Variants in CTNND2 observed in about 807,000 individuals in gnomAD.
CTNND2 encodes catenin delta 2.
Under a neutral mutation model 144.4 loss-of-function variants are expected in CTNND2, and 22 were observed. The observed-to-expected ratio is 0.15, with a 90% CI of 0.11 to 0.22. The LOEUF is 0.22. Among genes scored for constraint, CTNND2 ranks in the 10% least tolerant of loss-of-function variants. The probability of loss-of-function intolerance (pLI) is 1.00; values close to 1 mark genes in which losing one functional copy is unlikely to be tolerated. For missense variants in CTNND2, 1,353 were observed against 1,618.8 expected, an observed-to-expected ratio of 0.84 and a Z score of 2.82; for synonymous variants, 751 against 695.6, an observed-to-expected ratio of 1.08 and a Z score of -1.25.
intron 2 of CTNND2, among the ~76,000 whole-genome samples, chr5:11,694,620 A>C (rs1268638028): frequency 6.6e-6 from 1 of 152,076 alleles, no homozygotes; most frequent in African/African-American, 2.4e-5. Context: ...CCTGTTTGTT[A>C]ATTTGGGGGT....
chr5:11,715,651 A>C (rs1265698658), intron 2 of CTNND2, among the ~76,000 whole-genome samples: 1 of 152,218 alleles, frequency 6.6e-6, no homozygotes, highest in East Asian at 1.9e-4. Flanking sequence ...GCTTCAATTC[A>C]TGCATAGCTT....
chr5:11,842,721 A>G (rs935092879), intron 1 of CTNND2, among the ~76,000 whole-genome samples: 4 of 122,370 alleles, frequency 3.3e-5, no homozygotes, highest in South Asian at 4.6e-4. Context: ...TCGGTCTCAG[A>G]ACAAAAAAAA....
intron 12 of CTNND2, 97 bp downstream of exon 12, chr5:11,159,479 T>C: frequency 3.9e-6 from 4 of 1,013,970 alleles, no homozygotes; most frequent in Non-Finnish European, 5.8e-6. Flanking sequence ...TTCAGAATGG[T>C]CTGATCCTCA....
chr5:11,448,380 C>T (rs1765014171), intron 3 of CTNND2, among the ~76,000 whole-genome samples: 1 of 149,312 alleles, frequency 6.7e-6, no homozygotes, highest in South Asian at 2.4e-4. Context: ...TTTCAGTAGC[C>T]AATAAATGTG....
chr5:11,369,001 T>C (rs573861370), intron 7 of CTNND2, among the ~76,000 whole-genome samples: 1 of 152,230 alleles, frequency 6.6e-6, no homozygotes, highest in Non-Finnish European at 1.5e-5. Flanking sequence ...ATCTTTTGAT[T>C]TGACAAAATA....
intron 2 of CTNND2, among the ~76,000 whole-genome samples, chr5:11,729,065 CT>C (rs1364887637): frequency 6.6e-6 from 1 of 152,034 alleles, no homozygotes; most frequent in Non-Finnish European, 1.5e-5. Context: ...TTGATTTATG[CT>C]TTCACCTAGG....
chr5:11,343,884 T>G (rs1754503958), intron 9 of CTNND2, among the ~76,000 whole-genome samples: 1 of 152,168 alleles, frequency 6.6e-6, no homozygotes, highest in Non-Finnish European at 1.5e-5. Flanking sequence ...CTCTTAAATA[T>G]ATGTAAATAT....
At chr5:11,535,455 T>C (rs1297820489) in intron 3 of CTNND2, among the ~76,000 whole-genome samples, 3 of 152,202 alleles carry the variant, frequency 2.0e-5, no homozygotes, top group South Asian at 2.1e-4. Flanking sequence ...TTTTTTCCTA[T>C]AGGTAGTATC....
chr5:11,338,369 T>C (rs1270065123), intron 9 of CTNND2, among the ~76,000 whole-genome samples: 2 of 152,120 alleles, frequency 1.3e-5, no homozygotes, highest in Non-Finnish European at 1.5e-5. Context: ...GGGGACCCCA[T>C]GGGTTGTCAG....
chr5:11,334,156 T>C (rs1200825170), intron 9 of CTNND2, among the ~76,000 whole-genome samples: 1 of 152,216 alleles, frequency 6.6e-6, no homozygotes, highest in Non-Finnish European at 1.5e-5. Context: ...GTAAAGAAGA[T>C]AAATGGCCAG....
At chr5:11,441,368 ATT>A (rs774610481) in intron 3 of CTNND2, among the ~76,000 whole-genome samples, 2,582 of 98,676 alleles carry the variant, frequency 0.026, 119 homozygotes, top group African/African-American at 0.098. Context: ...CCAATGTGGG[ATT>A]TTTTTTTTTT....
At position 11,346,467 on chromosome 5, in the gene CTNND2, A is replaced by G. The variant is rs752879728; in HGVS notation, c.1533T>C (p.Ser511=). Reference sequence around the variant, plus strand: ...CGGATTTGCTGTATGGAGACTCAACAGAGGGACAATACTGCAGCTGTCGGT... The same window carrying G: ...CGGATTTGCTGTATGGAGACTCAACGGAGGGACAATACTGCAGCTGTCGGT... ...DPYRQLQYCP[S]VESPYSKSGP... The change falls in exon 9 of 22, where the codon TCT becomes TCC. Residue 511 remains serine, a synonymous_variant. Coordinates refer to ENST00000304623, the MANE Select transcript of CTNND2 (RefSeq NM_001332.4). 3 of 1,597,946 alleles carry G rather than the reference A, an allele frequency of 1.9e-6. No homozygotes were observed. Among genetic ancestry groups the G allele is most frequent in the Admixed American group, 1.7e-5 (1 of 57,672 alleles).
chr5:11,689,939 T>C (rs1423957074), intron 2 of CTNND2, among the ~76,000 whole-genome samples: 1 of 152,214 alleles, frequency 6.6e-6, no homozygotes, highest in East Asian at 1.9e-4. Flanking sequence ...ATGAGCAACA[T>C]GAATGAATCG....
intron 2 of CTNND2, among the ~76,000 whole-genome samples, chr5:11,673,117 T>G (rs918625422): frequency 7.2e-5 from 11 of 152,190 alleles, no homozygotes; most frequent in African/African-American, 1.9e-4. Context: ...TTTATCACTT[T>G]AATACTCATG....
chr5:11,680,133 T>C (rs760291250), intron 2 of CTNND2, among the ~76,000 whole-genome samples: 3 of 152,048 alleles, frequency 2.0e-5, no homozygotes, highest in Non-Finnish European at 4.4e-5. Flanking sequence ...AAGGAAAAAC[T>C]GTGAGGTGTA....
At chr5:11,240,388 AC>A (rs1561075263) in intron 9 of CTNND2, among the ~76,000 whole-genome samples, 19 of 123,966 alleles carry the variant, frequency 1.5e-4, no homozygotes, top group Admixed American at 4.1e-4. Context: ...ACATACACTC[AC>A]ACACCCAACA....
At chr5:11,812,468 T>A (rs986069304) in intron 1 of CTNND2, among the ~76,000 whole-genome samples, 1 of 152,172 alleles carries the variant, frequency 6.6e-6, no homozygotes, top group African/African-American at 2.4e-5. Context: ...TAACAGACAC[T>A]GTGGAGTTCT....
intron 7 of CTNND2, 122 bp from the exon 8 acceptor site, chr5:11,365,012 A>G (rs986485607): frequency 2.8e-5 from 21 of 758,420 alleles, no homozygotes; most frequent in African/African-American, 1.4e-4. Context: ...AACCAAATGA[A>G]TAGCATGAAA....
chr5:11,850,360 G>C (rs943556505), intron 1 of CTNND2, among the ~76,000 whole-genome samples: 1 of 152,086 alleles, frequency 6.6e-6, no homozygotes, highest in East Asian at 1.9e-4. Flanking sequence ...ATATTCCCTA[G>C]ATATGAAATT....
Sources: allele counts gnomAD v4.1 joint callset (sites outside exome capture counted in the v4.1 genomes callset), GRCh38; gene constraint gnomAD v4.1.1; transcripts MANE v1.5; gene names NCBI Gene and HGNC (gene_info 2026-07-23, HGNC 2026-07-21).